The following GRIN2B variants were observed in gnomAD, a reference collection of about 807,000 sequenced individuals.
The protein encoded by GRIN2B is glutamate ionotropic receptor NMDA type subunit 2B.
A neutral mutation model predicts 114.5 loss-of-function variants in GRIN2B; 5 were observed. The ratio of observed to expected loss-of-function variants is 0.04; its 90% CI spans 0.02 to 0.09. The LOEUF is 0.09. Ranked by LOEUF, GRIN2B falls within the 10% of genes least tolerant of loss-of-function variation. GRIN2B has a pLI of 1.00. For missense variants in GRIN2B, 1,108 were observed against 1,943.5 expected (o/e 0.57, Z 8.08); for synonymous variants, 787 against 745.1 (o/e 1.06, Z -0.92).
intron 5 of GRIN2B, among the ~76,000 whole-genome samples, chr12:13,663,240 G>A (rs1024882546): frequency 6.6e-6 from 1 of 152,030 alleles, no homozygotes; most frequent in African/African-American, 2.4e-5. Context: ...CATGACTATG[G>A]GCATGTCTTT....
chr12:13,774,966 G>A (rs1262877426), intron 3 of GRIN2B, among the ~76,000 whole-genome samples: 2 of 152,064 alleles, frequency 1.3e-5, no homozygotes, highest in Non-Finnish European at 1.5e-5. Flanking sequence ...AAGTTCCCAT[G>A]CAGGAGAGGT....
chr12:13,857,948 C>T (rs771288189), intron 3 of GRIN2B, among the ~76,000 whole-genome samples: 92 of 152,214 alleles, frequency 6.0e-4, no homozygotes, highest in Middle Eastern at 3.4e-3. Context: ...AAATGCCAGG[C>T]GAACCCCAGA....
At chr12:13,812,158 A>C (rs900304895) in intron 3 of GRIN2B, among the ~76,000 whole-genome samples, 3 of 152,190 alleles carry the variant, frequency 2.0e-5, no homozygotes, top group Non-Finnish European at 4.4e-5. Flanking sequence ...CTCCATAAAA[A>C]TCGATTGAAC....
At chr12:13,736,464 C>CA (rs1376678753) in intron 4 of GRIN2B, among the ~76,000 whole-genome samples, 1 of 152,206 alleles carries the variant, frequency 6.6e-6, no homozygotes, top group East Asian at 1.9e-4. Context: ...ACTAAAATGT[C>CA]CAGGTCTTAA....
intron 3 of GRIN2B, among the ~76,000 whole-genome samples, chr12:13,795,396 A>G (rs754278127): frequency 5.3e-5 from 8 of 152,158 alleles, no homozygotes; most frequent in Admixed American, 1.3e-4. Flanking sequence ...ACGTTTTACA[A>G]TTGGAAGAAC....
chr12:13,798,296 T>TAAA (rs34266526), intron 3 of GRIN2B, among the ~76,000 whole-genome samples: 7 of 146,246 alleles, frequency 4.8e-5, no homozygotes, highest in Non-Finnish European at 6.0e-5. Flanking sequence ...ATTCATTTAC[T>TAAA]AAAAAAAAAA....
chr12:13,911,279 T>C (rs1306619924), intron 2 of GRIN2B, among the ~76,000 whole-genome samples: 4 of 152,028 alleles, frequency 2.6e-5, no homozygotes, highest in Non-Finnish European at 5.9e-5. Flanking sequence ...AATGATGACA[T>C]AGGTGCTTCA....
At chr12:13,932,492 A>T (rs1867051872) in intron 2 of GRIN2B, among the ~76,000 whole-genome samples, 1 of 152,220 alleles carries the variant, frequency 6.6e-6, no homozygotes, top group South Asian at 2.1e-4. Flanking sequence ...CTACCACTTA[A>T]TTGGCAGTAA....
At chr12:13,739,339 A>C (rs868416353) in intron 4 of GRIN2B, among the ~76,000 whole-genome samples, 1 of 124,660 alleles carries the variant, frequency 8.0e-6, no homozygotes. Flanking sequence ...GCACCATTGC[A>C]CTCCAGCCTG....
At chr12:13,631,180 C>G (rs1044893553) in intron 5 of GRIN2B, among the ~76,000 whole-genome samples, 1 of 152,112 alleles carries the variant, frequency 6.6e-6, no homozygotes, top group Non-Finnish European at 1.5e-5. Context: ...ATCAGGTGCT[C>G]TCAGTATATC....
At chr12:13,710,185 T>C (rs1477657472) in intron 4 of GRIN2B, among the ~76,000 whole-genome samples, 2 of 151,992 alleles carry the variant, frequency 1.3e-5, no homozygotes, top group Non-Finnish European at 2.9e-5. Context: ...ATATATTTTA[T>C]GACTGAATTT....
intron 5 of GRIN2B, among the ~76,000 whole-genome samples, chr12:13,667,944 T>C (rs1331010950): frequency 6.6e-6 from 1 of 152,150 alleles, no homozygotes; most frequent in Non-Finnish European, 1.5e-5. Context: ...GATATAAACA[T>C]AGAATTTTCT....
chr12:13,834,197 A>ATTTTTT (rs756189402), intron 3 of GRIN2B, among the ~76,000 whole-genome samples: 38 of 111,494 alleles, frequency 3.4e-4, no homozygotes, highest in Non-Finnish European at 5.6e-4. Context: ...CGCCTGGCTA[A>ATTTTTT]TTTTTTTTTT....
chr12:13,652,532 T>A (rs1389279116), intron 5 of GRIN2B, among the ~76,000 whole-genome samples: 1 of 151,950 alleles, frequency 6.6e-6, no homozygotes, highest in Non-Finnish European at 1.5e-5. Context: ...GGAAACCATG[T>A]GCAGTGCAAG....
intron 5 of GRIN2B, among the ~76,000 whole-genome samples, chr12:13,673,648 G>T (rs966516712): frequency 1.3e-5 from 2 of 151,958 alleles, no homozygotes; most frequent in East Asian, 3.9e-4. Context: ...GTGAGGGAAG[G>T]GATCCAAACC....
chr12:13,936,316 A>G (rs1473205473), intron 2 of GRIN2B, among the ~76,000 whole-genome samples: 1 of 152,202 alleles, frequency 6.6e-6, no homozygotes, highest in Non-Finnish European at 1.5e-5. Flanking sequence ...ATGTTAAAAC[A>G]TCTGTGGCAT....
intron 10 of GRIN2B, among the ~76,000 whole-genome samples, chr12:13,607,383 TAATATA>T: frequency 1.8e-5 from 1 of 54,664 alleles, no homozygotes; most frequent in East Asian, 4.5e-4. Context: ...ATTATATATA[TAATATA>T]TATTATATAT....
intron 10 of GRIN2B, among the ~76,000 whole-genome samples, chr12:13,604,295 C>A (rs1341613033): frequency 6.6e-6 from 1 of 152,166 alleles, no homozygotes; most frequent in Non-Finnish European, 1.5e-5. Flanking sequence ...TGGAAGCCTT[C>A]CAGTATAAAG....
chr12:13,871,601 T>A (rs962018370), intron 2 of GRIN2B, among the ~76,000 whole-genome samples: 1 of 151,518 alleles, frequency 6.6e-6, no homozygotes, highest in Non-Finnish European at 1.5e-5. Flanking sequence ...CTTACTGCAT[T>A]AAAAACTTAA....
Sources: allele counts gnomAD v4.1 joint callset (sites outside exome capture counted in the v4.1 genomes callset), GRCh38; gene constraint gnomAD v4.1.1; transcripts MANE v1.5; gene names NCBI Gene and HGNC (gene_info 2026-07-23, HGNC 2026-07-21).